SGK3: variants seen among roughly 807,000 people sequenced by gnomAD.
SGK3 encodes serine/threonine-protein kinase Sgk3.
A neutral mutation model predicts 68.5 loss-of-function variants in SGK3; 47 were observed. The ratio of observed to expected loss-of-function variants is 0.69; its 90% confidence interval spans 0.54 to 0.87. The LOEUF is 0.87. Among genes scored for constraint, SGK3 ranks in the 40% least tolerant of loss-of-function variants. The probability of loss-of-function intolerance (pLI) is 0.00; values close to 1 mark genes in which losing one functional copy is unlikely to be tolerated. For synonymous variants in SGK3, 181 were observed against 189.1 expected (o/e 0.96, Z 0.35); for missense variants, 479 against 575.5 (o/e 0.83, Z 1.72).
chr8:66,768,907 T>A (rs1260784688), intron 1 of SGK3, among the ~76,000 whole-genome samples: 1 of 152,140 alleles, frequency 6.6e-6, no homozygotes, highest in African/African-American at 2.4e-5. Flanking sequence ...TATGCTGACA[T>A]TTTTACCTTT....
chr8:66,783,561 G>A (rs1353579023), intron 1 of SGK3, among the ~76,000 whole-genome samples: 2 of 152,060 alleles, frequency 1.3e-5, no homozygotes, highest in Admixed American at 6.5e-5. Context: ...TCTGGCACCC[G>A]GCCTGGAGTA....
At chr8:66,849,476 T>C (rs895355566) in intron 15 of SGK3, among the ~76,000 whole-genome samples, 4 of 152,192 alleles carry the variant, frequency 2.6e-5, no homozygotes, top group African/African-American at 7.2e-5. Flanking sequence ...CTGCTACTAC[T>C]CTTGTCCTAC....
At chr8:66,841,255 C>A in intron 13 of SGK3, 145 bp downstream of exon 13, 1 of 598,122 alleles carries the variant, frequency 1.7e-6, no homozygotes, top group Non-Finnish European at 2.6e-6. Context: ...ACCTGATAAT[C>A]ATGCCTTGAT....
At chr8:66,718,034 CT>C (rs1234769849) in intron 1 of SGK3, among the ~76,000 whole-genome samples, 1 of 141,700 alleles carries the variant, frequency 7.1e-6, no homozygotes. Flanking sequence ...TTTTTTTTTT[CT>C]TTTTTTTTGA....
At chr8:66,763,150 G>T (rs1806220908) in intron 1 of SGK3, among the ~76,000 whole-genome samples, 1 of 152,178 alleles carries the variant, frequency 6.6e-6, no homozygotes, top group East Asian at 1.9e-4. Flanking sequence ...TACCTGGAGT[G>T]CAGTTTATAT....
At chr8:66,744,286 T>C (rs1805563806) in intron 1 of SGK3, among the ~76,000 whole-genome samples, 1 of 151,708 alleles carries the variant, frequency 6.6e-6, no homozygotes. Context: ...GCCATGCCAT[T>C]CTTATTCCTG....
At chr8:66,749,933 GT>G (rs1264530767) in intron 1 of SGK3, among the ~76,000 whole-genome samples, 5 of 60,734 alleles carry the variant, frequency 8.2e-5, no homozygotes, top group African/African-American at 1.3e-4. Context: ...AGTTTCTAGG[GT>G]GTGTGTGTGT....
chr8:66,822,549 A>AG, intron 6 of SGK3, 90 bp downstream of exon 6: 1 of 1,242,964 alleles, frequency 8.0e-7, no homozygotes, highest in Non-Finnish European at 1.1e-6. Flanking sequence ...AAATGAAGTA[A>AG]TTTCATCCAT....
intron 4 of SGK3, among the ~76,000 whole-genome samples, chr8:66,806,820 A>G (rs1200419279): frequency 1.3e-5 from 2 of 151,870 alleles, no homozygotes; most frequent in African/African-American, 4.8e-5. Context: ...TCTCGAAAAA[A>G]AAAAAAAAAA....
At chr8:66,770,550 C>T (rs1806475363) in intron 1 of SGK3, among the ~76,000 whole-genome samples, 1 of 152,192 alleles carries the variant, frequency 6.6e-6, no homozygotes, top group Admixed American at 6.5e-5. Context: ...TAATTCCTCC[C>T]CAGTCTAAGT....
intron 2 of SGK3, among the ~76,000 whole-genome samples, chr8:66,796,592 C>T (rs1165211590): frequency 1.3e-5 from 2 of 151,926 alleles, no homozygotes; most frequent in African/African-American, 4.8e-5. Flanking sequence ...GCCACCACAC[C>T]CAGCCTTGAT....
At chr8:66,827,873 C>T (rs1255061415) in intron 6 of SGK3, among the ~76,000 whole-genome samples, 1 of 152,114 alleles carries the variant, frequency 6.6e-6, no homozygotes, top group Non-Finnish European at 1.5e-5. Context: ...ACTGTAATCC[C>T]AGCACTTTGG....
intron 1 of SGK3, among the ~76,000 whole-genome samples, chr8:66,784,124 C>T (rs750901441): frequency 2.6e-5 from 4 of 152,154 alleles, no homozygotes; most frequent in Non-Finnish European, 5.9e-5. Flanking sequence ...TGATACCGAA[C>T]TCCTGGGCTC....
chr8:66,848,314 T>C (rs1810121169), intron 15 of SGK3, among the ~76,000 whole-genome samples: 1 of 152,174 alleles, frequency 6.6e-6, no homozygotes, highest in South Asian at 2.1e-4. Context: ...ACTGGGCATA[T>C]TGGAAGCACT....
intron 1 of SGK3, among the ~76,000 whole-genome samples, chr8:66,786,643 G>A (rs1054868617): frequency 5.3e-5 from 8 of 152,242 alleles, no homozygotes; most frequent in South Asian, 4.1e-4. Flanking sequence ...TGATTTAACC[G>A]CTTTATGTTT....
At chr8:66,767,192 A>G (rs1488087790) in intron 1 of SGK3, among the ~76,000 whole-genome samples, 1 of 151,968 alleles carries the variant, frequency 6.6e-6, no homozygotes, top group Non-Finnish European at 1.5e-5. Flanking sequence ...TCTGTTCTTC[A>G]TTTCATTTTT....
chr8:66,717,699 A>AATTATT (rs966024309), intron 1 of SGK3, among the ~76,000 whole-genome samples: 1 of 151,564 alleles, frequency 6.6e-6, no homozygotes, highest in Admixed American at 6.6e-5. Context: ...GTTTTTAATT[A>AATTATT]ATTATTATTA....
intron 1 of SGK3, among the ~76,000 whole-genome samples, chr8:66,757,053 C>G (rs191699298): frequency 6.6e-6 from 1 of 151,928 alleles, no homozygotes; most frequent in East Asian, 1.9e-4. Flanking sequence ...ACCTTTCTGC[C>G]CCTGAAGATT....
chr8:66,839,593 A>G (rs751094040), intron 10 of SGK3, among the ~76,000 whole-genome samples: 6 of 124,878 alleles, frequency 4.8e-5, no homozygotes, highest in African/African-American at 1.2e-4. Flanking sequence ...GCTGGGCTCT[A>G]GTTTTTAATC....
Sources: gnomAD v4.1 joint callset for allele counts (sites outside exome capture counted in the v4.1 genomes callset) on GRCh38, gnomAD v4.1.1 for gene constraint, MANE v1.5 for transcripts, NCBI Gene and HGNC (gene_info 2026-07-23, HGNC 2026-07-21) for gene names.